HOPX: variants seen among roughly 807,000 people sequenced by gnomAD.
HOPX encodes homeodomain-only protein.
Under a neutral mutation model 11.8 loss-of-function variants are expected in HOPX, and 5 were observed. The observed-to-expected ratio is 0.43, with a 90% CI of 0.22 to 0.89. The LOEUF is 0.89. Among genes scored for constraint, HOPX ranks in the 40% least tolerant of loss-of-function variants. HOPX has a pLI of 0.28. For missense variants in HOPX, 119 were observed against 120.0 expected (o/e 0.99, Z 0.04); for synonymous variants, 49 against 49.7 (o/e 0.99, Z 0.06).
At chr4:56,653,145 C>A (rs551776151) in intron 3 of HOPX, among the ~76,000 whole-genome samples, 2 of 152,320 alleles carry the variant, frequency 1.3e-5, no homozygotes, top group East Asian at 3.9e-4. Context: ...TCAAGGGATT[C>A]TCTTGCCTTA....
At chr4:56,650,551 G>T (rs1717062857) in intron 3 of HOPX, 2 of 927,072 alleles carry the variant, frequency 2.2e-6, no homozygotes, top group Admixed American at 2.4e-5. Context: ...GTAAGGCTCT[G>T]CAGGACTGCT....
At chr4:56,660,307 C>G (rs1204441576) in intron 1 of HOPX, among the ~76,000 whole-genome samples, 1 of 152,116 alleles carries the variant, frequency 6.6e-6, no homozygotes, top group Non-Finnish European at 1.5e-5. Context: ...CTGAATACAT[C>G]CCAAATACAT....
chr4:56,670,660 CA>C (rs1277641955), intron 1 of HOPX, among the ~76,000 whole-genome samples: 1 of 152,082 alleles, frequency 6.6e-6, no homozygotes, highest in Non-Finnish European at 1.5e-5. Context: ...GAAGGGTGCT[CA>C]AAAGCTTAAA....
intron 1 of HOPX, among the ~76,000 whole-genome samples, chr4:56,677,023 T>C (rs1719055878): frequency 6.6e-6 from 1 of 151,800 alleles, no homozygotes; most frequent in African/African-American, 2.4e-5. Flanking sequence ...TGGCCACTAA[T>C]ACTAGGCAAG....
At chr4:56,652,254 C>G (rs949930785) in intron 3 of HOPX, among the ~76,000 whole-genome samples, 7 of 152,184 alleles carry the variant, frequency 4.6e-5, no homozygotes, top group African/African-American at 7.2e-5. Context: ...GAGAATGTTT[C>G]AACTTCTTAG....
chr4:56,679,492 T>C (rs77237861), intron 1 of HOPX: 2 of 150,474 alleles, frequency 1.3e-5, no homozygotes, highest in African/African-American at 2.5e-5. Flanking sequence ...TTTTTTTTTT[T>C]CTTAAGACAG....
chr4:56,664,191 C>T (rs947190119), intron 1 of HOPX: 12 of 151,500 alleles, frequency 7.9e-5, no homozygotes, highest in Non-Finnish European at 1.5e-4. Context: ...AGTGCAGAGG[C>T]GTGATCTCAG....
chr4:56,669,354 A>G (rs1199651309), intron 1 of HOPX, among the ~76,000 whole-genome samples: 1 of 152,188 alleles, frequency 6.6e-6, no homozygotes, highest in Admixed American at 6.5e-5. Flanking sequence ...ATGTGATCAT[A>G]TAATTTGTCA....
intron 3 of HOPX, among the ~76,000 whole-genome samples, chr4:56,655,159 T>C (rs4406078): frequency 0.53 from 80,226 of 151,758 alleles, 22,371 homozygotes; most frequent in African/African-American, 0.72. Context: ...GCTGAAATGT[T>C]AGCTATCTAC....
chr4:56,655,361 C>T (rs976528344), intron 3 of HOPX, among the ~76,000 whole-genome samples: 1 of 152,152 alleles, frequency 6.6e-6, no homozygotes, highest in African/African-American at 2.4e-5. Flanking sequence ...CCGGCCTCAG[C>T]CTCCTGGTTC....
At chr4:56,675,572 G>T (rs1206643363) in intron 1 of HOPX, among the ~76,000 whole-genome samples, 1 of 151,614 alleles carries the variant, frequency 6.6e-6, no homozygotes, top group African/African-American at 2.4e-5. Context: ...GGGGAAGATT[G>T]TTCAGCATAT....
chr4:56,652,126 T>C (rs1717250363), intron 3 of HOPX, among the ~76,000 whole-genome samples: 1 of 152,154 alleles, frequency 6.6e-6, no homozygotes, highest in Non-Finnish European at 1.5e-5. Flanking sequence ...AGAAAGTTAT[T>C]TCAATTACAG....
chr4:56,658,003 A>C, intron 1 of HOPX, 104 bp from the exon 2 acceptor site: 1 of 1,101,358 alleles, frequency 9.1e-7, no homozygotes, highest in Non-Finnish European at 1.3e-6. Context: ...TTCTAGCCAA[A>C]GTTGCCCACG....
At chr4:56,650,828 G>A (rs1235207318) in intron 3 of HOPX, 4 of 1,531,448 alleles carry the variant, frequency 2.6e-6, no homozygotes, top group East Asian at 4.9e-5. Flanking sequence ...TGAGAAGAGA[G>A]AACTCATGTA....
chr4:56,680,994 G>C, intron 1 of HOPX: 1 of 984,090 alleles, frequency 1.0e-6, no homozygotes, highest in Non-Finnish European at 1.2e-6. Flanking sequence ...CATCTCACCT[G>C]CTTGGCCAAA....
intron 2 of HOPX, among the ~76,000 whole-genome samples, 160 bp downstream of exon 2, chr4:56,657,615 A>T (rs1053227315): frequency 6.6e-6 from 1 of 152,078 alleles, no homozygotes; most frequent in African/African-American, 2.4e-5. Flanking sequence ...TTTTTAGGGG[A>T]TTCTGTGCTT....
chr4:56,666,573 G>A (rs1004818148), intron 1 of HOPX, among the ~76,000 whole-genome samples: 12 of 152,180 alleles, frequency 7.9e-5, no homozygotes, highest in Admixed American at 5.9e-4. Flanking sequence ...AGCCCAATTC[G>A]TGTTCTAATC....
intron 2 of HOPX, among the ~76,000 whole-genome samples, chr4:56,657,160 T>C (rs1322774823): frequency 6.6e-6 from 1 of 152,154 alleles, no homozygotes; most frequent in African/African-American, 2.4e-5. Flanking sequence ...ATTTTAAAAA[T>C]TGGCAGATGT....
chr4:56,666,032 C>T (rs529597857), intron 1 of HOPX, among the ~76,000 whole-genome samples: 3 of 152,276 alleles, frequency 2.0e-5, no homozygotes, highest in South Asian at 2.1e-4. Context: ...CTCTGGCTCC[C>T]TGTGGGTTGG....
Sources: allele counts gnomAD v4.1 joint callset (sites outside exome capture counted in the v4.1 genomes callset), GRCh38; gene constraint gnomAD v4.1.1; transcripts MANE v1.5; gene names NCBI Gene and HGNC (gene_info 2026-07-23, HGNC 2026-07-21).